DST: variants seen among roughly 807,000 people sequenced by gnomAD.
The protein encoded by DST is dystonin, also known as bullous pemphigoid antigen.
In DST, 253 loss-of-function variants were observed where a neutral mutation model predicts 875.2. That is an observed-to-expected ratio of 0.29 (90% CI 0.26 to 0.32). The LOEUF (loss-of-function observed/expected upper bound fraction) is 0.32, where lower values mean the gene tolerates loss of function less well. Ranked by LOEUF, DST falls within the 10% of genes least tolerant of loss-of-function variation. The probability of loss-of-function intolerance (pLI) is 1.00; values close to 1 mark genes in which losing one functional copy is unlikely to be tolerated. For synonymous variants in DST, 3,124 were observed against 3,197.1 expected, an observed-to-expected ratio of 0.98 and a Z score of 0.77; for missense variants, 8,287 against 9,111.6, an observed-to-expected ratio of 0.91 and a Z score of 3.68.
Position 56,920,895 on chromosome 6 carries a change from A to ATTTTTTTTTTTTT in DST, c.217-20287_217-20275dup, listed in dbSNP as rs35394550. Among the ~76,000 whole-genome samples, 34 of 59,690 alleles carry ATTTTTTTTTTTTT rather than the reference A, an allele frequency of 5.7e-4. 5 individuals are homozygous for ATTTTTTTTTTTTT. Among genetic ancestry groups the ATTTTTTTTTTTTT allele is most frequent in the Non-Finnish European group, 9.3e-4 (30 of 32,128 alleles). The allele number at this position is 59,690 out of a possible 152,430, so 39.2% of individuals were successfully genotyped here. ...AGGAACACACAACCACGCCCAGCTA[A>ATTTTTTTTTTTTT]TTTTTTTTTTTTTTTTTTTTTTTTT... On this transcript the variant is annotated intron_variant, in intron 2 of 103. Transcript: ENST00000680361.
At chr6:56,766,236 G>C (rs556230088) in intron 4 of DST, among the ~76,000 whole-genome samples, 2 of 152,236 alleles carry the variant, frequency 1.3e-5, no homozygotes, top group Admixed American at 6.5e-5. Context: ...TATAAAACAA[G>C]AACACATGAG....
chr6:56,474,592 A>C (rs1439688419), intron 92 of DST, among the ~76,000 whole-genome samples: 2 of 152,194 alleles, frequency 1.3e-5, no homozygotes, highest in Non-Finnish European at 2.9e-5. Context: ...GACACATGGG[A>C]GAAGTCATGT....
intron 3 of DST, among the ~76,000 whole-genome samples, chr6:56,856,179 G>A (rs1208429613): frequency 6.6e-6 from 1 of 152,150 alleles, no homozygotes; most frequent in Non-Finnish European, 1.5e-5. Flanking sequence ...ATTTTTAGAA[G>A]GGGAACTGAA....
At chr6:56,694,599 C>T (rs1418560976) in intron 9 of DST, among the ~76,000 whole-genome samples, 1 of 151,958 alleles carries the variant, frequency 6.6e-6, no homozygotes, top group Non-Finnish European at 1.5e-5. Flanking sequence ...TGTATAATGG[C>T]TGATATTTGT....
Position 56,578,875 on chromosome 6 carries a change from T to A in DST, c.12966A>T (p.Glu4322Asp). The change falls in exon 50 of 104, where the codon GAA becomes GAT. Residue 4322 changes from glutamate (E) to aspartate (D), a missense_variant. Transcript: ENST00000680361. Reference sequence around the variant, plus strand: ...AAGATCCCCTGGCATCTAAAAGCACTTCAGCCGTTTTCTTCAGTTTCTCTA... The same window carrying A: ...AAGATCCCCTGGCATCTAAAAGCACATCAGCCGTTTTCTTCAGTTTCTCTA... ...VAVEKLKKTA[E>D]VLLDARGSLL... 6.2e-7 allele frequency: 1 copy of A among 1,609,656 alleles called. No individual in the cohort carries two copies. Among genetic ancestry groups the A allele is most frequent in the African/African-American group, 1.3e-5 (1 of 75,016 alleles).
At chr6:56,712,090 C>CAAAAAAAA (rs34769867) in intron 5 of DST, among the ~76,000 whole-genome samples, 8 of 76,558 alleles carry the variant, frequency 1.0e-4, no homozygotes, top group Non-Finnish European at 1.9e-4. Flanking sequence ...GACTCCGTCT[C>CAAAAAAAA]AAAAAAAAAA....
chr6:56,640,041 G>A lies in DST; in HGVS notation c.2507C>T (p.Thr836Ile). Residue 836 changes from threonine (T) to isoleucine (I), a missense_variant, in exon 19 of 104, where the codon ACT becomes ATT. By Grantham distance (89) the Thr-to-Ile change is moderately conservative (BLOSUM62 -1). Transcript: ENST00000680361. ...VDEMQVQLDR[T>I]EWGSDLPSVE... ...ACTTGGCAAATCTGAGCCCCACTCA[G>A]TGCGGTCCAGTTGTACCTTCAGACA... 2 of 1,614,104 alleles carry A rather than the reference G, an allele frequency of 1.2e-6. No homozygotes were observed. Among genetic ancestry groups the A allele is most frequent in the Non-Finnish European group, 1.7e-6 (2 of 1,179,990 alleles).
In DST at chr6:56,487,152, C is replaced by T. The variant is rs764414111; in HGVS notation, c.20999G>A (p.Ser7000Asn). 6.2e-7 allele frequency: 1 copy of T among 1,613,990 alleles called. No homozygotes were observed. The highest frequency in any genetic ancestry group is 2.2e-5 in the East Asian group (1 of 44,876). ...GGTATCCCATTTGTCTCTGAGTTCA[C>T]TCAGCATGTCATCCAGTTTCAGGTT... is the stretch of plus-strand genomic sequence containing the variant. The part of the protein sequence containing the change: ...DDNLKLDDML[S>N]ELRDKWDTIC... The change falls in exon 87 of 104, where the codon AGT becomes AAT. Residue 7000 changes from serine to asparagine, a missense_variant. Around this residue, in one of 10 missense-constraint regions of DST, gnomAD observed 1,292 missense variants for 1,552.7 expected, o/e 0.83. Transcript: ENST00000680361.
intron 53 of DST, 78 bp downstream of exon 53, chr6:56,572,022 A>T: frequency 2.6e-6 from 2 of 762,096 alleles, no homozygotes; most frequent in Non-Finnish European, 3.7e-6. Context: ...TGTTTCAGTT[A>T]TCTATATAAG....
chr6:56,862,239 T>C (rs933810840), intron 3 of DST, among the ~76,000 whole-genome samples: 11 of 152,136 alleles, frequency 7.2e-5, no homozygotes, highest in African/African-American at 2.7e-4. Context: ...CAGCAGCTAC[T>C]TCCTTCCTCC....
At chr6:56,835,550 G>A (rs931329397) in intron 4 of DST, among the ~76,000 whole-genome samples, 1 of 152,190 alleles carries the variant, frequency 6.6e-6, no homozygotes, top group African/African-American at 2.4e-5. Flanking sequence ...GACTACTGGT[G>A]TAGGAAGAGC....
At chr6:56,469,030 C>G in intron 97 of DST, 31 bp from the exon 98 acceptor site, 1 of 1,548,604 alleles carries the variant, frequency 6.5e-7, no homozygotes, top group Non-Finnish European at 8.8e-7. Context: ...AAGAAAGACA[C>G]AATTAGTTCA....
intron 34 of DST, 152 bp downstream of exon 34, chr6:56,627,052 T>C: frequency 1.5e-6 from 1 of 675,716 alleles, no homozygotes; most frequent in Non-Finnish European, 2.6e-6. Flanking sequence ...GTCATGTGAC[T>C]AATTTCACAA....
intron 4 of DST, among the ~76,000 whole-genome samples, chr6:56,742,927 T>C (rs1488298704): frequency 6.6e-6 from 1 of 152,212 alleles, no homozygotes; most frequent in Non-Finnish European, 1.5e-5. Context: ...CTGAGTTGGG[T>C]AGTACTGTCC....
At chr6:56,498,258 C>T (rs957183617) in intron 80 of DST, among the ~76,000 whole-genome samples, 21 of 152,100 alleles carry the variant, frequency 1.4e-4, no homozygotes, top group Admixed American at 1.0e-3. Context: ...ACTGCAACCT[C>T]AACACCTGGG....
chr6:56,624,709 A>G (rs1378658371), intron 35 of DST, 81 bp from the exon 36 acceptor site: 1 of 900,924 alleles, frequency 1.1e-6, no homozygotes, highest in Non-Finnish European at 1.8e-6. Context: ...TAATAATTAC[A>G]TTAACTAGGC....
intron 5 of DST, among the ~76,000 whole-genome samples, chr6:56,732,389 G>T (rs1033694709): frequency 4.6e-5 from 7 of 152,250 alleles, no homozygotes; most frequent in African/African-American, 1.7e-4. Context: ...TTCTGTGCCA[G>T]AGTTTTCAGG....
At position 56,506,558 on chromosome 6, in the gene DST, G is replaced by T. The variant is rs1464346454; in HGVS notation, c.19363-14C>A. 1.2e-6 allele frequency: 2 copies of T among 1,609,934 alleles called. No individual in the cohort carries two copies. Among genetic ancestry groups the T allele is most frequent in the Admixed American group, 1.7e-5 (1 of 59,592 alleles). On this transcript the variant is annotated splice_polypyrimidine_tract_variant and intron_variant, in intron 76 of 103. Coordinates refer to ENST00000680361, the MANE Select transcript of DST (RefSeq NM_001374736.1). Reference sequence around the variant, plus strand: ...TGCTGAATTTAACTACAAGATGTATGTTAGAATTCTTTTAGTGCCATATTT... The same window carrying T: ...TGCTGAATTTAACTACAAGATGTATTTTAGAATTCTTTTAGTGCCATATTT...
Position 56,476,210 on chromosome 6 carries a change from T to C in DST, c.21803A>G (p.Lys7268Arg), listed in dbSNP as rs1191478974. The C allele has an allele frequency of 6.2e-7, 1 of 1,613,096 alleles. No homozygotes were observed. The highest frequency in any genetic ancestry group is 2.2e-5 in the East Asian group (1 of 44,880). The change falls in exon 92 of 104, where the codon AAG becomes AGG. Residue 7268 changes from lysine (K) to arginine (R), a missense_variant. Around this residue, in one of 10 missense-constraint regions of DST, gnomAD observed 1,292 missense variants for 1,552.7 expected, o/e 0.83. Transcript: ENST00000680361. ...LQWAETTLTDKDKEVIPQEIE... is the reference protein window; with the variant it reads ...LQWAETTLTDRDKEVIPQEIE... ...CTCCTGGGGGATGACTTCTTTATCC[T>C]TATCAGTAAGTGTAGTTTCAGCCCA...
Sources: gnomAD v4.1 joint callset for allele counts (sites outside exome capture counted in the v4.1 genomes callset) on GRCh38, gnomAD v4.1.1 for gene constraint, gnomAD v4.1.1 regional missense constraint, MANE v1.5 for transcripts, NCBI Gene and HGNC (gene_info 2026-07-23, HGNC 2026-07-21) for gene names.